NRXN3: variants seen among roughly 807,000 people sequenced by gnomAD.
NRXN3 encodes neurexin 3.
A neutral mutation model predicts 137.6 loss-of-function variants in NRXN3; 32 were observed. That is an observed-to-expected ratio of 0.23 (90% CI 0.18 to 0.31). The LOEUF (loss-of-function observed/expected upper bound fraction) is 0.31. NRXN3 is among the 10% of genes least tolerant of loss of function. The probability of loss-of-function intolerance (pLI) is 1.00; values close to 1 mark genes in which losing one functional copy is unlikely to be tolerated. For missense variants in NRXN3, 1,574 were observed against 2,062.5 expected, an observed-to-expected ratio of 0.76 and a Z score of 4.59; for synonymous variants, 798 against 784.5, an observed-to-expected ratio of 1.02 and a Z score of -0.29.
At chr14:78,314,469 T>C (rs996814743) in intron 4 of NRXN3, among the ~76,000 whole-genome samples, 1 of 152,174 alleles carries the variant, frequency 6.6e-6, no homozygotes, top group Non-Finnish European at 1.5e-5. Context: ...AGCTTTGTCA[T>C]TTTCTGGAGC....
rs530911459 is a variant in NRXN3, at chr14:78,726,890, A to G, written c.2044+11751A>G. Among the ~76,000 whole-genome samples, 3 of 148,866 alleles carry G rather than the reference A, an allele frequency of 2.0e-5. No individual in the cohort carries two copies. The Admixed American group carries it at 2.1e-4, about 10-fold the overall frequency. The stretch of plus-strand genomic sequence containing the variant: ...TTCACATTGCTGTGCAACCATAGCC[A>G]TCATCCATCTTCAGAATCTTTCTTT... On this transcript the variant is annotated intron_variant, in intron 8 of 20. Coordinates refer to ENST00000335750, the MANE Select transcript of NRXN3 (RefSeq NM_001330195.2).
chr14:78,715,528 A>G (rs1218913692), intron 8 of NRXN3, among the ~76,000 whole-genome samples: 2 of 152,208 alleles, frequency 1.3e-5, no homozygotes, highest in South Asian at 2.1e-4. Flanking sequence ...TTAGAAATAC[A>G]ATGTTGAACA....
chr14:79,660,146 GAC>G (rs2098526498), intron 16 of NRXN3, among the ~76,000 whole-genome samples: 1 of 152,112 alleles, frequency 6.6e-6, no homozygotes, highest in Non-Finnish European at 1.5e-5. Context: ...CTCTTTTCTA[GAC>G]ACATGAGCCA....
At chr14:79,420,614 C>T (rs1332601005) in intron 15 of NRXN3, among the ~76,000 whole-genome samples, 1 of 152,072 alleles carries the variant, frequency 6.6e-6, no homozygotes, top group Admixed American at 6.6e-5. Context: ...TCTACGGTCC[C>T]TCCCATGACA....
At chr14:78,352,641 T>C (rs917838572) in intron 4 of NRXN3, among the ~76,000 whole-genome samples, 3 of 152,168 alleles carry the variant, frequency 2.0e-5, no homozygotes, top group Non-Finnish European at 4.4e-5. Context: ...AAGCAACTCC[T>C]TGGATTTTCT....
chr14:78,799,225 A>C (rs902579154), intron 8 of NRXN3, among the ~76,000 whole-genome samples: 1 of 152,148 alleles, frequency 6.6e-6, no homozygotes, highest in Non-Finnish European at 1.5e-5. Context: ...ATGACACCGA[A>C]GTTACCTCTT....
intron 15 of NRXN3, among the ~76,000 whole-genome samples, chr14:79,439,102 AC>A (rs1215861017): frequency 6.6e-6 from 1 of 152,262 alleles, no homozygotes; most frequent in Non-Finnish European, 1.5e-5. Flanking sequence ...ATTTGATTCT[AC>A]AAGCTGCTGA....
intron 19 of NRXN3, among the ~76,000 whole-genome samples, chr14:79,731,719 C>T (rs2098923691): frequency 6.6e-6 from 1 of 151,082 alleles, no homozygotes; most frequent in African/African-American, 2.4e-5. Flanking sequence ...CACCTGACCT[C>T]GTGATCCACC....
chr14:79,361,176 C>T (rs1217560935), intron 15 of NRXN3, among the ~76,000 whole-genome samples: 2 of 152,094 alleles, frequency 1.3e-5, no homozygotes, highest in East Asian at 1.9e-4. Context: ...GGAAAGGAGC[C>T]GTTTACTCTC....
intron 15 of NRXN3, among the ~76,000 whole-genome samples, chr14:79,064,777 G>GTA (rs1229248575): frequency 2.7e-4 from 37 of 136,306 alleles, no homozygotes; most frequent in East Asian, 2.3e-3. Flanking sequence ...ATGTATGTGT[G>GTA]TATATATATA....
At chr14:79,165,570 G>A (rs930644130) in intron 15 of NRXN3, among the ~76,000 whole-genome samples, 4 of 151,952 alleles carry the variant, frequency 2.6e-5, no homozygotes, top group African/African-American at 9.7e-5. Context: ...AACCTCTGGG[G>A]CCTGTTTTGC....
intron 16 of NRXN3, among the ~76,000 whole-genome samples, chr14:79,489,357 A>T (rs2096689482): frequency 6.6e-6 from 1 of 152,082 alleles, no homozygotes; most frequent in Non-Finnish European, 1.5e-5. Context: ...AGGATTTATA[A>T]TGTGTTTCCT....
At chr14:79,022,973 TGCC>T (rs1313508523) in intron 15 of NRXN3, among the ~76,000 whole-genome samples, 1 of 152,106 alleles carries the variant, frequency 6.6e-6, no homozygotes, top group South Asian at 2.1e-4. Flanking sequence ...GGGTTCCAGT[TGCC>T]AAGCATCCAT....
chr14:78,224,750 CTT>C (rs35800837), intron 1 of NRXN3, among the ~76,000 whole-genome samples: 18 of 64,828 alleles, frequency 2.8e-4, no homozygotes, highest in African/African-American at 7.3e-4. Flanking sequence ...GTGCATGTGT[CTT>C]TTTTTTTTTT....
At chr14:79,430,763 G>T (rs983514256) in intron 15 of NRXN3, among the ~76,000 whole-genome samples, 14 of 152,234 alleles carry the variant, frequency 9.2e-5, no homozygotes, top group Admixed American at 2.0e-4. Flanking sequence ...TAAAGTTATT[G>T]TTTGAGAAAA....
At chr14:79,103,896 C>G (rs2051838313) in intron 15 of NRXN3, among the ~76,000 whole-genome samples, 1 of 152,164 alleles carries the variant, frequency 6.6e-6, no homozygotes, top group African/African-American at 2.4e-5. Flanking sequence ...TTCACACCAA[C>G]ACACATGTGC....
Position 78,562,010 on chromosome 14 carries a change from A to T in NRXN3, c.758-83110A>T, listed in dbSNP as rs555144703. Among the ~76,000 whole-genome samples, 4 of 152,330 alleles carry T rather than the reference A, an allele frequency of 2.6e-5. No individual in the cohort carries two copies. In the East Asian group the frequency reaches 7.7e-4, roughly 29 times the overall value. On this transcript the variant is annotated intron_variant, in intron 4 of 20. Coordinates refer to ENST00000335750, the MANE Select transcript of NRXN3 (RefSeq NM_001330195.2). ...CACTCTTCTGCAATGTATCCTTGAC[A>T]TTCTGTCATCAAGATTAAGAGGTAG...
intron 10 of NRXN3, among the ~76,000 whole-genome samples, chr14:78,906,940 A>G (rs2099219131): frequency 6.6e-6 from 1 of 152,144 alleles, no homozygotes; most frequent in South Asian, 2.1e-4. Flanking sequence ...CAATAACTGC[A>G]GCCAACAGAA....
chr14:79,524,880 A>G (rs1008148672), intron 16 of NRXN3, among the ~76,000 whole-genome samples: 1 of 152,222 alleles, frequency 6.6e-6, no homozygotes, highest in African/African-American at 2.4e-5. Context: ...GGTATGATCT[A>G]ATGGTAATGG....
Sources: gnomAD v4.1 joint callset for allele counts (sites outside exome capture counted in the v4.1 genomes callset) on GRCh38, gnomAD v4.1.1 for gene constraint, MANE v1.5 for transcripts, NCBI Gene and HGNC (gene_info 2026-07-23, HGNC 2026-07-21) for gene names.